PRKCB: variants seen among roughly 807,000 people sequenced by gnomAD.
PRKCB encodes protein kinase C beta type.
PRKCB carries 13 observed loss-of-function variants against 81.5 expected under a neutral mutation model. The ratio of observed to expected loss-of-function variants is 0.16; its 90% CI spans 0.10 to 0.25. PRKCB has a LOEUF of 0.25. Among genes scored for constraint, PRKCB ranks in the 10% least tolerant of loss-of-function variants. The probability of loss-of-function intolerance (pLI) is 1.00; values close to 1 mark genes in which losing one functional copy is unlikely to be tolerated. For missense variants in PRKCB, 509 were observed against 875.7 expected (o/e 0.58, Z 5.29); for synonymous variants, 335 against 321.4 (o/e 1.04, Z -0.45).
intron 2 of PRKCB, among the ~76,000 whole-genome samples, chr16:23,902,963 C>G (rs1221109854): frequency 6.9e-6 from 1 of 144,858 alleles, no homozygotes; most frequent in Non-Finnish European, 1.5e-5. Flanking sequence ...GCCATCATGT[C>G]TACCTAATTT....
chr16:24,216,643 C>T lies in PRKCB; in HGVS notation c.*1827C>T, dbSNP rs181254533. On this transcript the variant is annotated 3_prime_UTR_variant, in exon 17 of 17. Coordinates refer to ENST00000643927, the MANE Select transcript of PRKCB (RefSeq NM_002738.7). The stretch of plus-strand genomic sequence containing the variant: ...TAGGCAAAGTCTCCTGCAGTTCATC[C>T]TTCTCTGTCCTCTTCTTGCTTCAGG... 1.0e-6 allele frequency: 1 copy of T among 984,634 alleles called. No homozygotes were observed. The highest frequency in any genetic ancestry group is 4.7e-5 in the South Asian group (1 of 21,246). The allele number at this position is 984,634 out of a possible 1,614,324, so 61.0% of individuals were successfully genotyped here. A position where few individuals can be genotyped will look rare whatever the true frequency, so the allele number is the denominator to read the frequency against.
chr16:24,175,091 C>T (rs1967506914), intron 12 of PRKCB, among the ~76,000 whole-genome samples: 1 of 152,118 alleles, frequency 6.6e-6, no homozygotes, highest in Non-Finnish European at 1.5e-5. Flanking sequence ...AATGGATGAT[C>T]ATAGCTGCAT....
intron 5 of PRKCB, among the ~76,000 whole-genome samples, chr16:24,088,863 A>G (rs1235076758): frequency 1.3e-5 from 2 of 152,128 alleles, no homozygotes; most frequent in Non-Finnish European, 2.9e-5. Context: ...TCCAGTGACT[A>G]CCCTTGTGGT....
At chr16:23,878,552 T>C (rs1166124816) in intron 2 of PRKCB, among the ~76,000 whole-genome samples, 1 of 152,180 alleles carries the variant, frequency 6.6e-6, no homozygotes, top group Non-Finnish European at 1.5e-5. Flanking sequence ...AGAGAATGCT[T>C]GTTTACAGCA....
chr16:24,041,053 A>ATTTTTTTTT (rs142356879), intron 5 of PRKCB, among the ~76,000 whole-genome samples: 2 of 136,952 alleles, frequency 1.5e-5, no homozygotes, highest in African/African-American at 2.8e-5. Flanking sequence ...TGCAACAATA[A>ATTTTTTTTT]TTTTTTTTGT....
rs571952992 is a variant in PRKCB, at chr16:23,872,887, G to C, written c.205+35481G>C. ...TTCAGGAGCAACTGGTTAGAAAAAC[G>C]GAAGACTTGGCCCGGCGTGGTGTCT... On this transcript the variant is annotated intron_variant, in intron 2 of 16. Coordinates refer to ENST00000643927, the MANE Select transcript of PRKCB (RefSeq NM_002738.7). 4.0e-4 allele frequency among the ~76,000 whole-genome samples: 61 copies of C among 151,844 alleles called. 1 individual carries two copies. The highest frequency in any genetic ancestry group is 2.6e-3 in the Admixed American group (39 of 15,210).
intron 9 of PRKCB, among the ~76,000 whole-genome samples, chr16:24,130,463 G>T (rs1403399786): frequency 6.6e-6 from 1 of 152,044 alleles, no homozygotes; most frequent in Non-Finnish European, 1.5e-5. Context: ...TTTGTTCCTG[G>T]CCCCCACCCC....
chr16:24,014,801 T>G (rs1377776612), intron 3 of PRKCB, among the ~76,000 whole-genome samples: 2 of 152,148 alleles, frequency 1.3e-5, no homozygotes, highest in African/African-American at 4.8e-5. Flanking sequence ...TTCCTTTTAT[T>G]TATTTATTTA....
chr16:23,905,075 C>A (rs939661157), intron 2 of PRKCB, among the ~76,000 whole-genome samples: 1 of 139,986 alleles, frequency 7.1e-6, no homozygotes, highest in Non-Finnish European at 1.5e-5. Flanking sequence ...AAAAATAGCA[C>A]AGCTCGGAGT....
intron 5 of PRKCB, among the ~76,000 whole-genome samples, chr16:24,089,555 A>G (rs1386482992): frequency 2.0e-5 from 3 of 152,182 alleles, no homozygotes; most frequent in African/African-American, 7.2e-5. Flanking sequence ...GATCATTTGC[A>G]TCCAGGAGTT....
intron 12 of PRKCB, among the ~76,000 whole-genome samples, chr16:24,176,042 A>G (rs916648521): frequency 6.6e-5 from 10 of 151,290 alleles, no homozygotes; most frequent in African/African-American, 2.2e-4. Flanking sequence ...AGCGGAGGCC[A>G]GGCTATGGGA....
chr16:23,996,846 A>C (rs938913952), intron 3 of PRKCB, among the ~76,000 whole-genome samples: 1 of 152,140 alleles, frequency 6.6e-6, no homozygotes, highest in Non-Finnish European at 1.5e-5. Flanking sequence ...GCTAGGTAGC[A>C]ATACCTTGCA....
chr16:24,132,735 C>A (rs1259110951), intron 9 of PRKCB, among the ~76,000 whole-genome samples: 3 of 150,372 alleles, frequency 2.0e-5, no homozygotes, highest in Admixed American at 2.0e-4. Flanking sequence ...TGGCATTAAA[C>A]AGATCAGCTT....
chr16:23,937,243 C>A (rs996373596), intron 2 of PRKCB, among the ~76,000 whole-genome samples: 4 of 152,186 alleles, frequency 2.6e-5, no homozygotes, highest in East Asian at 3.9e-4. Flanking sequence ...TTAACACAAG[C>A]TTCCCAAGCG....
At chr16:24,182,873 T>TTTTGTGTGTGTGTGTGTGTGTGTG (rs1555501177) in intron 13 of PRKCB, among the ~76,000 whole-genome samples, 3 of 133,520 alleles carry the variant, frequency 2.2e-5, no homozygotes, top group Admixed American at 7.3e-5. Flanking sequence ...ACATTGTTTC[T>TTTTGTGTGTGTGTGTGTGTGTGTG]TGTGTGTGTG....
intron 5 of PRKCB, among the ~76,000 whole-genome samples, chr16:24,066,231 A>T (rs1231281808): frequency 6.6e-6 from 1 of 151,378 alleles, no homozygotes. Flanking sequence ...TTCATGCTTG[A>T]CTTTGATTAT....
chr16:24,169,901 C>T (rs539642253), intron 10 of PRKCB, among the ~76,000 whole-genome samples: 5 of 152,058 alleles, frequency 3.3e-5, no homozygotes, highest in East Asian at 1.9e-4. Context: ...ACCAGCCTCT[C>T]GAGTAGCTGG....
chr16:24,007,249 T>C (rs1177987611), intron 3 of PRKCB, among the ~76,000 whole-genome samples: 9 of 152,220 alleles, frequency 5.9e-5, no homozygotes, highest in Non-Finnish European at 7.3e-5. Flanking sequence ...ATGCCGTAAC[T>C]GGCACATAGG....
intron 3 of PRKCB, among the ~76,000 whole-genome samples, chr16:23,990,589 G>A (rs960128217): frequency 1.1e-4 from 16 of 150,080 alleles, no homozygotes; most frequent in Non-Finnish European, 4.4e-5. Context: ...CTGTTGCCCA[G>A]GCCAGAGTGT....
Sources: allele counts gnomAD v4.1 joint callset (sites outside exome capture counted in the v4.1 genomes callset), GRCh38; gene constraint gnomAD v4.1.1; transcripts MANE v1.5; gene names NCBI Gene and HGNC (gene_info 2026-07-23, HGNC 2026-07-21).